The following SLC4A10 variants were observed in gnomAD, a reference collection of about 807,000 sequenced individuals.
SLC4A10 encodes sodium-driven chloride bicarbonate exchanger.
Under a neutral mutation model 137.7 loss-of-function variants are expected in SLC4A10, and 42 were observed. That is an observed-to-expected ratio of 0.30 (90% CI 0.24 to 0.39). SLC4A10 has a LOEUF of 0.39. Among genes scored for constraint, SLC4A10 ranks in the 10% least tolerant of loss-of-function variants. The pLI, the probability that SLC4A10 is intolerant of heterozygous loss-of-function variation, is 1.00. For synonymous variants in SLC4A10, 474 were observed against 464.1 expected, an observed-to-expected ratio of 1.02 and a Z score of -0.27; for missense variants, 925 against 1,355.0, an observed-to-expected ratio of 0.68 and a Z score of 4.98.
chr2:161,871,413 T>A (rs1369182865), intron 6 of SLC4A10, among the ~76,000 whole-genome samples: 7 of 151,564 alleles, frequency 4.6e-5, no homozygotes, highest in Non-Finnish European at 1.0e-4. Flanking sequence ...AAAAAAAAGA[T>A]GGGGAGATGT....
At chr2:161,773,846 CT>C (rs1403757441) in intron 2 of SLC4A10, among the ~76,000 whole-genome samples, 1 of 151,718 alleles carries the variant, frequency 6.6e-6, no homozygotes, top group Non-Finnish European at 1.5e-5. Flanking sequence ...TCTTTTCCTC[CT>C]ATTAAAATAG....
intron 10 of SLC4A10, among the ~76,000 whole-genome samples, chr2:161,883,474 G>T (rs1375785015): frequency 6.6e-6 from 1 of 152,112 alleles, no homozygotes; most frequent in Non-Finnish European, 1.5e-5. Flanking sequence ...GAAAGCAAAA[G>T]CAAGAAGAAA....
chr2:161,715,224 T>C (rs2044720698), intron 1 of SLC4A10, among the ~76,000 whole-genome samples: 1 of 151,978 alleles, frequency 6.6e-6, no homozygotes, highest in Non-Finnish European at 1.5e-5. Flanking sequence ...CTGTTTAGAG[T>C]ATAAACACCT....
At chr2:161,670,887 C>T (rs191936353) in intron 1 of SLC4A10, among the ~76,000 whole-genome samples, 5 of 152,074 alleles carry the variant, frequency 3.3e-5, no homozygotes, top group Admixed American at 6.6e-5. Flanking sequence ...TATAAGATAT[C>T]GCTTCCTTCT....
intron 21 of SLC4A10, among the ~76,000 whole-genome samples, chr2:161,962,335 G>A (rs1180755212): frequency 6.6e-6 from 1 of 152,096 alleles, no homozygotes; most frequent in South Asian, 2.1e-4. Context: ...AATAACAATT[G>A]AAGCACCCAC....
chr2:161,692,928 G>GC (rs1384689525), intron 1 of SLC4A10, among the ~76,000 whole-genome samples: 3 of 47,102 alleles, frequency 6.4e-5, no homozygotes, highest in Admixed American at 2.4e-4. Flanking sequence ...ATCTTGGTGA[G>GC]CAAAAAAAAA....
rs531948042 is a variant in SLC4A10 at position 161,948,890 on chromosome 2, A to G, written c.2266-258A>G. ...AGTTAGATTTTAAATAAACATTGAA[A>G]ACAGCACAACCACGATGTAGCTATT... On this transcript the variant is annotated intron_variant, in intron 17 of 26. Transcript: ENST00000446997. 5.9e-5 allele frequency among the ~76,000 whole-genome samples: 9 copies of G among 152,218 alleles called. 1 individual carries two copies. The South Asian group carries it at 1.7e-3, about 28-fold the overall frequency.
chr2:161,629,164 C>T (rs758492321), intron 1 of SLC4A10, among the ~76,000 whole-genome samples: 1 of 151,868 alleles, frequency 6.6e-6, no homozygotes, highest in Non-Finnish European at 1.5e-5. Context: ...GGACACATGA[C>T]AATGATCATT....
At chr2:161,961,975 A>C (rs1271290934) in intron 21 of SLC4A10, among the ~76,000 whole-genome samples, 1 of 152,198 alleles carries the variant, frequency 6.6e-6, no homozygotes, top group Non-Finnish European at 1.5e-5. Context: ...CCTATTTGGA[A>C]TTGTAGCTAA....
chr2:161,813,727 T>G (rs1559307957), intron 3 of SLC4A10, among the ~76,000 whole-genome samples: 1 of 152,126 alleles, frequency 6.6e-6, no homozygotes, highest in Non-Finnish European at 1.5e-5. Flanking sequence ...TACAAGTATT[T>G]CATGAGCAAA....
intron 1 of SLC4A10, among the ~76,000 whole-genome samples, chr2:161,748,907 A>G (rs2048664271): frequency 6.6e-6 from 1 of 152,144 alleles, no homozygotes; most frequent in Non-Finnish European, 1.5e-5. Flanking sequence ...TTTCCAATCC[A>G]TGAACATGCG....
At chr2:161,708,800 T>C (rs1189513893) in intron 1 of SLC4A10, 1 of 1,532,670 alleles carries the variant, frequency 6.5e-7, no homozygotes. Flanking sequence ...GTCTGGAACC[T>C]GTGAGCCTTT....
intron 10 of SLC4A10, among the ~76,000 whole-genome samples, chr2:161,888,757 C>T (rs964110647): frequency 6.6e-6 from 1 of 152,126 alleles, no homozygotes; most frequent in Non-Finnish European, 1.5e-5. Context: ...TTCCTCTCTT[C>T]CTATTTGAAT....
At chr2:161,940,269 G>A (rs1170776707) in intron 15 of SLC4A10, among the ~76,000 whole-genome samples, 1 of 152,138 alleles carries the variant, frequency 6.6e-6, no homozygotes, top group Non-Finnish European at 1.5e-5. Flanking sequence ...CCAACTGTAT[G>A]TTCCCAAGAG....
intron 8 of SLC4A10, among the ~76,000 whole-genome samples, chr2:161,878,930 C>A (rs1173909403): frequency 6.6e-6 from 1 of 151,952 alleles, no homozygotes; most frequent in African/African-American, 2.4e-5. Flanking sequence ...GAGTACTCAG[C>A]TTATTGATGA....
At position 161,940,924 on chromosome 2, in the gene SLC4A10, C is replaced by A. The variant is rs928536938; in HGVS notation, c.1998-1868C>A. On this transcript the variant is annotated intron_variant, in intron 15 of 26. Coordinates refer to ENST00000446997, the MANE Select transcript of SLC4A10 (RefSeq NM_001178015.2). ...TTTGAGATTAGCCTGGGCAACATAACAAGACTCTGTCTATATTTTAAAAAC... is the reference window on the plus strand; with the variant it reads ...TTTGAGATTAGCCTGGGCAACATAAAAAGACTCTGTCTATATTTTAAAAAC... 2.0e-5 allele frequency among the ~76,000 whole-genome samples: 3 copies of A among 152,042 alleles called. No homozygotes were observed. The South Asian group carries it at 6.2e-4, about 31-fold the overall frequency.
chr2:161,683,433 C>A (rs1186498318), intron 1 of SLC4A10, among the ~76,000 whole-genome samples: 1 of 152,032 alleles, frequency 6.6e-6, no homozygotes, highest in Non-Finnish European at 1.5e-5. Context: ...GAGAGCCAGC[C>A]AAAGGGACAG....
intron 1 of SLC4A10, among the ~76,000 whole-genome samples, chr2:161,672,502 T>G (rs996356930): frequency 4.7e-5 from 7 of 147,988 alleles, no homozygotes; most frequent in African/African-American, 1.8e-4. Flanking sequence ...AGACCCTGTC[T>G]AAAAAAAATT....
chr2:161,861,243 G>A (rs62188760), intron 5 of SLC4A10, among the ~76,000 whole-genome samples: 9,237 of 152,200 alleles, frequency 0.061, 372 homozygotes, highest in East Asian at 0.13. Flanking sequence ...TTCAAGATGG[G>A]CAGGGCTATG....
Sources: allele counts gnomAD v4.1 joint callset (sites outside exome capture counted in the v4.1 genomes callset), GRCh38; gene constraint gnomAD v4.1.1; transcripts MANE v1.5; gene names NCBI Gene and HGNC (gene_info 2026-07-23, HGNC 2026-07-21).